Variants in ZNF500 observed in about 807,000 individuals in gnomAD.
ZNF500 encodes the protein zinc finger protein with KRAB and SCAN domains 18.
A neutral mutation model predicts 30.1 loss-of-function variants in ZNF500; 31 were observed. The ratio of observed to expected loss-of-function variants is 1.03; its 90% CI spans 0.77 to 1.39. The LOEUF (loss-of-function observed/expected upper bound fraction) is 1.39. Among genes scored for constraint, ZNF500 ranks in the 40% most tolerant of loss-of-function variants. The pLI is 0.00. For synonymous variants in ZNF500, 392 were observed against 282.0 expected, an observed-to-expected ratio of 1.39 and a Z score of -3.91; for missense variants, 817 against 657.8, an observed-to-expected ratio of 1.24 and a Z score of -2.65.
At chr16:4,760,634 T>C in intron 4 of ZNF500, 46 bp from the exon 5 acceptor site, 2 of 1,570,824 alleles carry the variant, frequency 1.3e-6, no homozygotes, top group South Asian at 1.1e-5. Context: ...GCAAGCTGCC[T>C]CCTCCCCAAC....
Position 4,749,207 on chromosome 16 carries a change from G to A in ZNF500, c.*3169C>T, listed in dbSNP as rs2082054890. 1 of 154,494 alleles carries A rather than the reference G, an allele frequency of 6.5e-6. No homozygotes were observed. The highest frequency in any genetic ancestry group is 2.0e-4 in the South Asian group (1 of 4,936). 9.6% of individuals were successfully genotyped at this position (154,494 alleles called of 1,614,324 possible). On this transcript the variant is annotated 3_prime_UTR_variant, in exon 6 of 6. Transcript: ENST00000219478. Reference sequence around the variant, plus strand: ...CTCCACTCCGGGGCCTGTGCCGCCAGAACCGGGCTCTGCCCCCATACGCTG... The same window carrying A: ...CTCCACTCCGGGGCCTGTGCCGCCAAAACCGGGCTCTGCCCCCATACGCTG...
At position 4,751,155 on chromosome 16, in the gene ZNF500, C is replaced by T. The variant is rs1184171372; in HGVS notation, c.*1221G>A. 6.1e-6 allele frequency: 1 copy of T among 163,288 alleles called. No homozygotes were observed. Among genetic ancestry groups the T allele is most frequent in the Non-Finnish European group, 1.3e-5 (1 of 75,662 alleles). The allele number at this position is 163,288 out of a possible 1,614,324, so 10.1% of individuals were successfully genotyped here. The stretch of plus-strand genomic sequence containing the variant: ...CAGAACCCAGTGGTTTCCATAGCTG[C>T]CCTACGACTTCCGAGATGACTAAAC... On this transcript the variant is annotated 3_prime_UTR_variant, in exon 6 of 6. Transcript: ENST00000219478.
intron 5 of ZNF500, chr16:4,756,752 G>C (rs1038238011): frequency 6.6e-6 from 1 of 152,072 alleles, no homozygotes; most frequent in African/African-American, 2.4e-5. Flanking sequence ...TCTTGACCTC[G>C]TGATCCACCC....
intron 2 of ZNF500, chr16:4,763,010 C>T: frequency 1.0e-6 from 1 of 985,426 alleles, no homozygotes; most frequent in Non-Finnish European, 1.2e-6. Context: ...CTTGGTCCTC[C>T]TGATAGACCC....
downstream of ZNF500, chr16:4,746,850 G>C (rs574122433): frequency 7.5e-6 from 10 of 1,334,096 alleles, no homozygotes; most frequent in Non-Finnish European, 9.1e-6. Flanking sequence ...AGCAAAGCCC[G>C]AGTGCTTCAA....
At chr16:4,753,190 G>A in intron 5 of ZNF500, 132 bp from the exon 6 acceptor site, 2 of 1,411,880 alleles carry the variant, frequency 1.4e-6, no homozygotes, top group East Asian at 5.1e-5. Context: ...GCTGGGCACT[G>A]TGGCTCACGC....
chr16:4,746,934 C>A, downstream of ZNF500: 1 of 1,559,716 alleles, frequency 6.4e-7, no homozygotes, highest in South Asian at 1.2e-5. Flanking sequence ...CAGCTCCAGC[C>A]ACAGCTCCTC....
At position 4,752,583 on chromosome 16, in the gene ZNF500, G is replaced by A. The variant is rs777117919; in HGVS notation, c.1236C>T (p.Thr412=). The A allele has an allele frequency of 2.5e-6, 4 of 1,586,444 alleles. No individual in the cohort carries two copies. In the South Asian group the frequency reaches 4.5e-5, roughly 18 times the overall value. Residue 412 remains threonine (T), a synonymous_variant, in exon 6 of 6, where the codon ACC becomes ACT. Transcript: ENST00000219478. ...THSGERPYAC[T]QCGKRFNNSS... ...TGTTGTTGAAGCGCTTCCCGCACTG[G>A]GTGCAGGCATAGGGCCGCTCCCCGC...
intron 5 of ZNF500, among the ~76,000 whole-genome samples, chr16:4,757,288 T>G (rs1043445273): frequency 6.6e-6 from 1 of 152,142 alleles, no homozygotes; most frequent in African/African-American, 2.4e-5. Flanking sequence ...CATTAAAAAA[T>G]GTAAAAACTT....
At chr16:4,747,011 C>T (rs2082025961), downstream of ZNF500, 5 of 1,531,002 alleles carry the variant, frequency 3.3e-6, no homozygotes, top group Non-Finnish European at 4.4e-6. Flanking sequence ...CATCTCCTTC[C>T]TCCCTGGGGC....
At chr16:4,764,479 A>G (rs1475850109) in intron 2 of ZNF500, among the ~76,000 whole-genome samples, 1 of 151,270 alleles carries the variant, frequency 6.6e-6, no homozygotes, top group East Asian at 1.9e-4. Flanking sequence ...CTGTCTCACA[A>G]AAATAAAAGT....
At chr16:4,759,837 G>A (rs2082177655) in intron 5 of ZNF500, among the ~76,000 whole-genome samples, 1 of 152,220 alleles carries the variant, frequency 6.6e-6, no homozygotes, top group Admixed American at 6.5e-5. Flanking sequence ...AGGACTTCGA[G>A]ACCAGCCTGG....
chr16:4,763,339 C>T (rs1458337178), intron 2 of ZNF500, among the ~76,000 whole-genome samples: 1 of 149,060 alleles, frequency 6.7e-6, no homozygotes, highest in Non-Finnish European at 1.5e-5. Context: ...GTACAGGTTG[C>T]AGTGAGCCGA....
rs548498835 is a variant in ZNF500 at position 4,749,199 on chromosome 16, T to C, written c.*3177A>G. ...CCTGCCCCCTCCACTCCGGGGCCTG[T>C]GCCGCCAGAACCGGGCTCTGCCCCC... is the stretch of plus-strand genomic sequence containing the variant. On this transcript the variant is annotated 3_prime_UTR_variant, in exon 6 of 6. Transcript: ENST00000219478. The C allele has an allele frequency of 1.9e-5, 3 of 154,646 alleles. No homozygotes were observed. In the East Asian group the frequency reaches 5.8e-4, roughly 30 times the overall value. 9.6% of individuals were successfully genotyped at this position (154,646 alleles called of 1,614,324 possible).
downstream of ZNF500, among the ~76,000 whole-genome samples, chr16:4,747,911 G>A (rs1400080438): frequency 2.0e-5 from 3 of 152,140 alleles, no homozygotes; most frequent in East Asian, 5.8e-4. Context: ...GCAGGAGGAC[G>A]GGGTGCTGCT....
chr16:4,746,414 C>T (rs776331529), downstream of ZNF500: 1 of 1,613,034 alleles, frequency 6.2e-7, no homozygotes, highest in Non-Finnish European at 8.5e-7. Context: ...CTGGGCCAGG[C>T]CCGCAGCTGG....
At chr16:4,746,974 T>A (rs1322449808), downstream of ZNF500, 4 of 1,552,890 alleles carry the variant, frequency 2.6e-6, no homozygotes, top group Middle Eastern at 1.7e-4. Context: ...GAGGAAGAGA[T>A]GGCAGCTCTG....
chr16:4,746,252 C>G (rs1236892719), downstream of ZNF500: 1 of 1,067,652 alleles, frequency 9.4e-7, no homozygotes, highest in Non-Finnish European at 1.4e-6. Context: ...TTAATGTGCC[C>G]GTCTGTAGAG....
rs2082085789 is a variant in ZNF500, at chr16:4,752,117, C to T, written c.*259G>A. On this transcript the variant is annotated 3_prime_UTR_variant, in exon 6 of 6. Transcript: ENST00000219478. ...TCGGCTTCTGGCCTCCTGAGTGTGT[C>T]TCTGTGGCTGAAGCCCCTGCTCTGT... The T allele has an allele frequency of 1.0e-5, 14 of 1,345,154 alleles. No homozygotes were observed. The highest frequency in any genetic ancestry group is 2.8e-6 in the Non-Finnish European group (3 of 1,054,044). 83.3% of individuals were successfully genotyped at this position (1,345,154 alleles called of 1,614,324 possible). A position where few individuals can be genotyped will look rare whatever the true frequency, so the allele number is the denominator to read the frequency against.
Sources: gnomAD v4.1 joint callset for allele counts (sites outside exome capture counted in the v4.1 genomes callset) on GRCh38, gnomAD v4.1.1 for gene constraint, MANE v1.5 for transcripts, NCBI Gene and HGNC (gene_info 2026-07-23, HGNC 2026-07-21) for gene names.